DIS3L2: variants seen among roughly 807,000 people sequenced by gnomAD.
DIS3L2 encodes the protein DIS3 like 3'-5' exoribonuclease 2.
Under a neutral mutation model 97.5 loss-of-function variants are expected in DIS3L2, and 34 were observed. That is an observed-to-expected ratio of 0.35 (90% CI 0.27 to 0.46). The LOEUF (loss-of-function observed/expected upper bound fraction) is 0.46, where lower values mean the gene tolerates loss of function less well. Ranked by LOEUF, DIS3L2 falls within the 20% of genes least tolerant of loss-of-function variation. The pLI is 1.00. For missense variants in DIS3L2, 1,038 were observed against 1,146.0 expected (o/e 0.91, Z 1.36); for synonymous variants, 435 against 445.2 (o/e 0.98, Z 0.29).
chr2:232,105,205 A>G (rs1162412800), intron 6 of DIS3L2, among the ~76,000 whole-genome samples: 1 of 152,204 alleles, frequency 6.6e-6, no homozygotes, highest in Admixed American at 6.5e-5. Context: ...TGAAATGAAC[A>G]TTGGTGTACA....
chr2:232,130,564 A>G, intron 6 of DIS3L2, 55 bp from the exon 7 acceptor site: 4 of 1,554,162 alleles, frequency 2.6e-6, no homozygotes, highest in Non-Finnish European at 3.5e-6. Context: ...AAATCCCACT[A>G]ATTGATATGC....
At chr2:232,154,762 C>A (rs1390137750) in intron 8 of DIS3L2, among the ~76,000 whole-genome samples, 2 of 149,186 alleles carry the variant, frequency 1.3e-5, no homozygotes, top group African/African-American at 5.0e-5. Flanking sequence ...CTTTGTTTAC[C>A]TAAGCAAGCC....
At chr2:232,147,488 T>G (rs1306001123) in intron 8 of DIS3L2, among the ~76,000 whole-genome samples, 1 of 152,240 alleles carries the variant, frequency 6.6e-6, no homozygotes, top group African/African-American at 2.4e-5. Context: ...ATATTACATT[T>G]AGTTGTCTTG....
chr2:232,336,597 T>C lies in DIS3L2; in HGVS notation c.2625T>C (p.Ser875=). Residue 875 remains serine, a synonymous_variant, in exon 21 of 21, where the codon TCT becomes TCC. Transcript: ENST00000325385. Reference sequence around the variant, plus strand: ...GCCCTGAGAAGGAGGAGGAGGAGTCTGACGGTGAGCCCGAGGACTCAAGCA... The same window carrying C: ...GCCCTGAGAAGGAGGAGGAGGAGTCCGACGGTGAGCCCGAGGACTCAAGCA... ...HLGPEKEEEE[S]DGEPEDSSTS The C allele has an allele frequency of 6.2e-7, 1 of 1,607,748 alleles. No homozygotes were observed. Among genetic ancestry groups the C allele is most frequent in the Non-Finnish European group, 8.5e-7 (1 of 1,179,804 alleles).
intron 9 of DIS3L2, among the ~76,000 whole-genome samples, chr2:232,190,402 T>C (rs1004417737): frequency 6.6e-6 from 1 of 152,168 alleles, no homozygotes; most frequent in Non-Finnish European, 1.5e-5. Flanking sequence ...AGTTGGGGGA[T>C]ATGCCTACGT....
In DIS3L2 at chr2:232,017,321, A is replaced by C. The variant is rs145732051; in HGVS notation, c.210+1650A>C. Among the ~76,000 whole-genome samples the C allele has an allele frequency of 3.5e-3, 529 of 151,666 alleles. 3 individuals carry two copies. Among genetic ancestry groups the C allele is most frequent in the Non-Finnish European group, 5.0e-3 (342 of 67,846 alleles). On this transcript the variant is annotated intron_variant, in intron 3 of 20. Transcript: ENST00000325385. ...ACCATGTTGGCCAGGCTGGTCTTCA[A>C]CTCCTGACCTCAAGTGATCCTCCTG...
chr2:232,257,804 A>T (rs912090909), intron 12 of DIS3L2, among the ~76,000 whole-genome samples: 1 of 152,194 alleles, frequency 6.6e-6, no homozygotes, highest in Non-Finnish European at 1.5e-5. Flanking sequence ...TAGAAAGTTG[A>T]TGTGTGTTTG....
chr2:232,095,955 T>C (rs1360115657), intron 6 of DIS3L2, among the ~76,000 whole-genome samples: 1 of 152,096 alleles, frequency 6.6e-6, no homozygotes, highest in East Asian at 1.9e-4. Flanking sequence ...TTTGTTTGTT[T>C]GTTTCTCTCT....
chr2:232,298,684 T>TA (rs573969135), intron 13 of DIS3L2, among the ~76,000 whole-genome samples: 25 of 150,696 alleles, frequency 1.7e-4, no homozygotes, highest in South Asian at 6.3e-4. Context: ...GCCTTGTAGT[T>TA]AAAAAAAAAA....
chr2:232,127,265 A>G (rs1168803737), intron 6 of DIS3L2, among the ~76,000 whole-genome samples: 1 of 152,172 alleles, frequency 6.6e-6, no homozygotes, highest in African/African-American at 2.4e-5. Context: ...TGACCTATCA[A>G]ATAGAACCAC....
In DIS3L2 at chr2:232,127,008, A is replaced by T. The variant is rs937816902; in HGVS notation, c.602-3611A>T. 5.9e-5 allele frequency among the ~76,000 whole-genome samples: 9 copies of T among 152,134 alleles called. 1 individual carries two copies. Among genetic ancestry groups the T allele is most frequent in the Admixed American group, 5.9e-4 (9 of 15,272 alleles). Reference sequence around the variant, plus strand: ...AAGGCTCAACTCACTTCCTCAGTGAATTTTCTTCATTAACAGTGACAGAAC... The same window carrying T: ...AAGGCTCAACTCACTTCCTCAGTGATTTTTCTTCATTAACAGTGACAGAAC... On this transcript the variant is annotated intron_variant, in intron 6 of 20. Transcript: ENST00000325385.
rs559344616 is a variant in DIS3L2 at position 232,118,304 on chromosome 2, C to T, written c.602-12315C>T. The stretch of plus-strand genomic sequence containing the variant: ...CTCAGGTAGGGGTGATCATACAGGG[C>T]ATGAAGACCAAGAGGGTGGGGGATT... On this transcript the variant is annotated intron_variant, in intron 6 of 20. Transcript: ENST00000325385. Among the ~76,000 whole-genome samples the T allele has an allele frequency of 2.8e-3, 431 of 152,298 alleles. 1 individual carries two copies. The highest frequency in any genetic ancestry group is 4.7e-3 in the Non-Finnish European group (319 of 68,022).
At chr2:232,132,761 C>G (rs1283604529) in intron 7 of DIS3L2, among the ~76,000 whole-genome samples, 1 of 152,096 alleles carries the variant, frequency 6.6e-6, no homozygotes, top group Admixed American at 6.5e-5. Context: ...GCTTCTCTTT[C>G]CCACCAAGAG....
At chr2:232,231,670 G>GT (rs1312671789) in intron 10 of DIS3L2, among the ~76,000 whole-genome samples, 2 of 152,258 alleles carry the variant, frequency 1.3e-5, no homozygotes, top group Non-Finnish European at 2.9e-5. Flanking sequence ...TGCAGACCTG[G>GT]TATGGAGAGG....
chr2:232,173,256 T>TG (rs1315665791), intron 9 of DIS3L2, among the ~76,000 whole-genome samples: 1 of 152,182 alleles, frequency 6.6e-6, no homozygotes, highest in East Asian at 1.9e-4. Context: ...TTGTTTGTTT[T>TG]GAGATGGCGT....
At chr2:232,168,076 C>A (rs1025933962) in intron 9 of DIS3L2, among the ~76,000 whole-genome samples, 1 of 151,902 alleles carries the variant, frequency 6.6e-6, no homozygotes, top group Non-Finnish European at 1.5e-5. Flanking sequence ...AAAAATAATT[C>A]TATTAGGAAG....
At chr2:232,056,589 AAC>A (rs899808994) in intron 5 of DIS3L2, among the ~76,000 whole-genome samples, 1 of 152,212 alleles carries the variant, frequency 6.6e-6, no homozygotes, top group Non-Finnish European at 1.5e-5. Flanking sequence ...TGAGAAAAAA[AAC>A]AGACAACAAA....
rs1553539253 is a variant in DIS3L2 at position 232,238,565 on chromosome 2, G to A, written c.1237G>A (p.Val413Met). 7 of 1,614,058 alleles carry A rather than the reference G, an allele frequency of 4.3e-6. No individual in the cohort carries two copies. The highest frequency in any genetic ancestry group is 3.3e-5 in the South Asian group (3 of 91,092). The part of the protein sequence containing the change: ...NFKVGVHIAD[V>M]SYFVPEGSDL... ...CAAAGTGGGAGTTCACATTGCTGAC[G>A]TGAGTTACTTTGTTCCGGAGGGATC... is the stretch of plus-strand genomic sequence containing the variant. Residue 413 changes from valine to methionine, a missense_variant, in exon 11 of 21, where the codon GTG becomes ATG. Around this residue, in one of 3 missense-constraint regions of DIS3L2, gnomAD observed 813 missense variants for 880.1 expected, o/e 0.92. Transcript: ENST00000325385.
chr2:232,161,919 C>A (rs190878639), intron 8 of DIS3L2, among the ~76,000 whole-genome samples: 1 of 151,638 alleles, frequency 6.6e-6, no homozygotes, highest in Non-Finnish European at 1.5e-5. Context: ...ATTATAGGCA[C>A]GCATCACCAC....
Sources: gnomAD v4.1 joint callset for allele counts (sites outside exome capture counted in the v4.1 genomes callset) on GRCh38, gnomAD v4.1.1 for gene constraint, gnomAD v4.1.1 regional missense constraint, MANE v1.5 for transcripts, NCBI Gene and HGNC (gene_info 2026-07-23, HGNC 2026-07-21) for gene names.